CPNE4: variants seen among roughly 807,000 people sequenced by gnomAD.
CPNE4 encodes copine 4.
CPNE4 carries 25 observed loss-of-function variants against 67.9 expected under a neutral mutation model. That is an observed-to-expected ratio of 0.37 (90% CI 0.27 to 0.51). The LOEUF (loss-of-function observed/expected upper bound fraction) is 0.51. Ranked by LOEUF, CPNE4 falls within the 20% of genes least tolerant of loss-of-function variation. The pLI is 0.93. For synonymous variants in CPNE4, 242 were observed against 244.9 expected, an observed-to-expected ratio of 0.99 and a Z score of 0.11; for missense variants, 464 against 690.8, an observed-to-expected ratio of 0.67 and a Z score of 3.68.
chr3:131,922,223 G>A (rs1583458613), intron 1 of CPNE4, among the ~76,000 whole-genome samples: 1 of 152,148 alleles, frequency 6.6e-6, no homozygotes. Context: ...GCCTCCAGCT[G>A]CATTCATGTT....
chr3:131,779,409 A>G (rs1422360013), intron 2 of CPNE4, among the ~76,000 whole-genome samples: 1 of 152,140 alleles, frequency 6.6e-6, no homozygotes, highest in African/African-American at 2.4e-5. Flanking sequence ...AACTGGAGGC[A>G]TCACCCTACC....
At chr3:131,677,042 G>GT (rs57278305) in intron 6 of CPNE4, among the ~76,000 whole-genome samples, 11,113 of 145,262 alleles carry the variant, frequency 0.077, 855 homozygotes, top group East Asian at 0.37. Flanking sequence ...TCCGGCATCT[G>GT]TTTTTTTTTT....
intron 1 of CPNE4, 121 bp downstream of exon 1, chr3:132,034,446 G>T: frequency 3.6e-6 from 1 of 280,308 alleles, no homozygotes; most frequent in Non-Finnish European, 5.4e-6. Context: ...AATGACAAAC[G>T]TGCAAAGGTG....
At chr3:131,727,765 C>T (rs2082035311) in intron 2 of CPNE4, among the ~76,000 whole-genome samples, 1 of 152,228 alleles carries the variant, frequency 6.6e-6, no homozygotes, top group South Asian at 2.1e-4. Flanking sequence ...AACCTTCCCT[C>T]CTTCCATTCC....
In CPNE4 at chr3:131,544,992, C is replaced by T. The variant is rs1218726383; in HGVS notation, c.1303-2199G>A. Among the ~76,000 whole-genome samples the T allele has an allele frequency of 2.6e-5, 4 of 152,144 alleles. No homozygotes were observed. In the East Asian group the frequency reaches 5.8e-4, roughly 22 times the overall value. On this transcript the variant is annotated intron_variant, in intron 14 of 15. Coordinates refer to ENST00000429747, the MANE Select transcript of CPNE4 (RefSeq NM_130808.3). ...CTACCACATTGAGAAACTTTAGAGT[C>T]GTAATGTTCTACAGCAGAGGTCAGG...
chr3:131,904,040 T>C (rs1257832722), intron 2 of CPNE4, among the ~76,000 whole-genome samples: 1 of 152,124 alleles, frequency 6.6e-6, no homozygotes, highest in Non-Finnish European at 1.5e-5. Context: ...CTTAACAACG[T>C]GGGGGCCCAT....
chr3:131,666,810 A>AT (rs386356315), intron 7 of CPNE4, among the ~76,000 whole-genome samples: 2 of 151,994 alleles, frequency 1.3e-5, no homozygotes, highest in East Asian at 3.9e-4. Context: ...GGGAAAAAAA[A>AT]GGGGAGCGAG....
intron 2 of CPNE4, among the ~76,000 whole-genome samples, chr3:131,735,133 A>G (rs574240620): frequency 6.6e-6 from 1 of 152,314 alleles, no homozygotes; most frequent in South Asian, 2.1e-4. Flanking sequence ...TTTGTTAGTA[A>G]GGCCTTTCCC....
At chr3:131,552,349 C>T in intron 13 of CPNE4, 91 bp downstream of exon 13, 3 of 1,071,562 alleles carry the variant, frequency 2.8e-6, no homozygotes, top group Non-Finnish European at 4.3e-6. Flanking sequence ...ACAATCGTAA[C>T]TAATATGCTA....
chr3:131,943,363 T>C (rs1288519633), intron 1 of CPNE4, among the ~76,000 whole-genome samples: 1 of 152,152 alleles, frequency 6.6e-6, no homozygotes, highest in African/African-American at 2.4e-5. Flanking sequence ...TTTAGAATGA[T>C]AGATCAGGAA....
At chr3:131,721,067 T>C (rs1266310416) in intron 3 of CPNE4, among the ~76,000 whole-genome samples, 1 of 152,206 alleles carries the variant, frequency 6.6e-6, no homozygotes, top group African/African-American at 2.4e-5. Flanking sequence ...CTTGCTCTCT[T>C]ATTCTGTACT....
At chr3:131,856,451 G>T (rs140491427) in intron 2 of CPNE4, among the ~76,000 whole-genome samples, 1 of 151,842 alleles carries the variant, frequency 6.6e-6, no homozygotes, top group Non-Finnish European at 1.5e-5. Flanking sequence ...TTAAAAAAAG[G>T]CGTCACTGTG....
chr3:131,565,101 A>G (rs1936987574), intron 10 of CPNE4, among the ~76,000 whole-genome samples: 1 of 152,040 alleles, frequency 6.6e-6, no homozygotes, highest in African/African-American at 2.4e-5. Context: ...ACTTCTTAAT[A>G]ACAAAAGAAA....
At chr3:131,771,328 C>T (rs1300069442) in intron 2 of CPNE4, among the ~76,000 whole-genome samples, 2 of 152,022 alleles carry the variant, frequency 1.3e-5, no homozygotes, top group Non-Finnish European at 2.9e-5. Flanking sequence ...GTATGTTTGA[C>T]CCTCCAAACC....
intron 2 of CPNE4, among the ~76,000 whole-genome samples, chr3:131,739,430 G>T (rs1200548299): frequency 6.6e-6 from 1 of 152,172 alleles, no homozygotes; most frequent in Non-Finnish European, 1.5e-5. Flanking sequence ...CCATGCTGCT[G>T]CTTCCCCCTG....
chr3:132,019,941 C>G (rs543393377), intron 1 of CPNE4, among the ~76,000 whole-genome samples: 104 of 152,316 alleles, frequency 6.8e-4, no homozygotes, highest in African/African-American at 2.2e-3. Flanking sequence ...GCCATTTAAA[C>G]TTGTGACGCT....
intron 1 of CPNE4, among the ~76,000 whole-genome samples, chr3:131,916,090 C>T (rs532295388): frequency 3.3e-5 from 5 of 152,134 alleles, no homozygotes; most frequent in African/African-American, 9.6e-5. Flanking sequence ...CTCCTTTTCC[C>T]GGCATACCAA....
At chr3:131,955,423 T>TTTTTTG (rs2071928769) in intron 1 of CPNE4, among the ~76,000 whole-genome samples, 1 of 133,678 alleles carries the variant, frequency 7.5e-6, no homozygotes, top group African/African-American at 2.8e-5. Flanking sequence ...TTTTTTTTTT[T>TTTTTTG]TTTTTTTTTT....
chr3:131,553,585 G>T (rs548127120), intron 12 of CPNE4, among the ~76,000 whole-genome samples: 4 of 152,128 alleles, frequency 2.6e-5, no homozygotes, highest in Admixed American at 2.0e-4. Context: ...GCAGAGTTAA[G>T]CACCAGTTGC....
Sources: gnomAD v4.1 joint callset for allele counts (sites outside exome capture counted in the v4.1 genomes callset) on GRCh38, gnomAD v4.1.1 for gene constraint, MANE v1.5 for transcripts, NCBI Gene and HGNC (gene_info 2026-07-23, HGNC 2026-07-21) for gene names.